VPS50: variants seen among roughly 807,000 people sequenced by gnomAD.
VPS50 encodes VPS50 subunit of EARP/GARPII complex, also known as syndetin.
In VPS50, 70 loss-of-function variants were observed where a neutral mutation model predicts 139.7. The ratio of observed to expected loss-of-function variants is 0.50; its 90% CI spans 0.41 to 0.61. VPS50 has a LOEUF of 0.61. Ranked by LOEUF, VPS50 falls within the 20% of genes least tolerant of loss-of-function variation. The pLI, the probability that VPS50 is intolerant of heterozygous loss-of-function variation, is 0.00. For synonymous variants in VPS50, 365 were observed against 376.7 expected (o/e 0.97, Z 0.36); for missense variants, 921 against 1,133.7 (o/e 0.81, Z 2.69).
Position 93,276,529 on chromosome 7 carries a change from A to G in VPS50, c.942+224A>G, listed in dbSNP as rs111568182. 4.9e-3 allele frequency: 2,776 copies of G among 563,364 alleles called. 8 individuals carry two copies. Among genetic ancestry groups the G allele is most frequent in the Non-Finnish European group, 6.1e-3 (2,245 of 366,450 alleles). The allele number at this position is 563,364 out of a possible 1,614,324, so 34.9% of individuals were successfully genotyped here. A position where few individuals can be genotyped will look rare whatever the true frequency, so the allele number is the denominator to read the frequency against. The stretch of plus-strand genomic sequence containing the variant: ...GAGATTGGAGCATGATTGCTTCTCA[A>G]TCGACTCTTTACCATTTCATAGCTT... On this transcript the variant is annotated intron_variant, in intron 12 of 27. Transcript: ENST00000305866.
At chr7:93,288,697 G>A (rs1796563546) in intron 12 of VPS50, among the ~76,000 whole-genome samples, 1 of 152,106 alleles carries the variant, frequency 6.6e-6, no homozygotes, top group African/African-American at 2.4e-5. Flanking sequence ...TTAATCAGAA[G>A]ATATTATTGT....
intron 1 of VPS50, among the ~76,000 whole-genome samples, chr7:93,235,988 A>G (rs1794788699): frequency 6.6e-6 from 1 of 152,204 alleles, no homozygotes; most frequent in Admixed American, 6.5e-5. Flanking sequence ...TGGATCTAGG[A>G]AAGCAGAATG....
intron 21 of VPS50, among the ~76,000 whole-genome samples, chr7:93,324,521 C>A (rs942774647): frequency 6.6e-6 from 1 of 152,102 alleles, no homozygotes; most frequent in Non-Finnish European, 1.5e-5. Context: ...TTGTCAAAGG[C>A]CTTTTCTGCA....
chr7:93,256,453 TAGA>T (rs1227018310), intron 4 of VPS50, 53 bp from the exon 5 acceptor site: 1 of 835,084 alleles, frequency 1.2e-6, no homozygotes, highest in Non-Finnish European at 1.8e-6. Flanking sequence ...TAAAATATCA[TAGA>T]AAGCATGAAG....
At chr7:93,343,871 A>C (rs1444070185) in intron 23 of VPS50, among the ~76,000 whole-genome samples, 1 of 152,224 alleles carries the variant, frequency 6.6e-6, no homozygotes, top group Non-Finnish European at 1.5e-5. Flanking sequence ...GCCGCTGCAA[A>C]ATCATGCCAA....
At chr7:93,263,605 G>T (rs1795752036) in intron 9 of VPS50, among the ~76,000 whole-genome samples, 1 of 152,180 alleles carries the variant, frequency 6.6e-6, no homozygotes, top group Non-Finnish European at 1.5e-5. Flanking sequence ...ACTCTCTAAG[G>T]AGAGTTACTT....
intron 23 of VPS50, among the ~76,000 whole-genome samples, chr7:93,341,932 A>G (rs1457952481): frequency 6.6e-6 from 1 of 152,214 alleles, no homozygotes; most frequent in Non-Finnish European, 1.5e-5. Context: ...TGTTAAGTAT[A>G]GTTGATCCTT....
chr7:93,265,481 A>G (rs1381804503), intron 9 of VPS50, among the ~76,000 whole-genome samples: 1 of 152,204 alleles, frequency 6.6e-6, no homozygotes, highest in Non-Finnish European at 1.5e-5. Context: ...TGTGATCTAG[A>G]ATTACAGTTA....
chr7:93,250,956 A>C (rs1348752890), intron 2 of VPS50, among the ~76,000 whole-genome samples: 1 of 152,262 alleles, frequency 6.6e-6, no homozygotes, highest in Non-Finnish European at 1.5e-5. Flanking sequence ...CATTAGGGAA[A>C]TCCAAATCAA....
chr7:93,323,055 C>T (rs959622593), intron 20 of VPS50, among the ~76,000 whole-genome samples: 1 of 152,162 alleles, frequency 6.6e-6, no homozygotes, highest in African/African-American at 2.4e-5. Context: ...TGTTCTTGGC[C>T]TCTGACCCAA....
intron 24 of VPS50, among the ~76,000 whole-genome samples, 183 bp from the exon 25 acceptor site, chr7:93,349,692 T>C (rs533958213): frequency 6.6e-6 from 1 of 152,350 alleles, no homozygotes; most frequent in Admixed American, 6.5e-5. Context: ...CTCAAAATTA[T>C]GTTTTGAGTA....
intron 19 of VPS50, among the ~76,000 whole-genome samples, chr7:93,309,661 C>T (rs953054365): frequency 1.3e-5 from 2 of 151,886 alleles, no homozygotes; most frequent in Non-Finnish European, 2.9e-5. Flanking sequence ...AACCTTCTAT[C>T]AAGGTGTCCT....
intron 2 of VPS50, among the ~76,000 whole-genome samples, chr7:93,252,242 G>T (rs1795356814): frequency 6.6e-6 from 1 of 152,062 alleles, no homozygotes. Flanking sequence ...AGTTGATTGT[G>T]ACCCAGAAGT....
chr7:93,297,354 A>T (rs747183194), intron 16 of VPS50, 111 bp downstream of exon 16: 109 of 1,170,378 alleles, frequency 9.3e-5, no homozygotes, highest in Non-Finnish European at 1.1e-4. Flanking sequence ...TTTGAATTTG[A>T]ATGTGTTGTA....
chr7:93,245,171 G>A (rs1328042607), intron 2 of VPS50, among the ~76,000 whole-genome samples: 1 of 151,722 alleles, frequency 6.6e-6, no homozygotes. Context: ...TAGAGTTGGC[G>A]ATTAATTTTT....
intron 12 of VPS50, among the ~76,000 whole-genome samples, chr7:93,277,036 C>A (rs1796177260): frequency 6.6e-6 from 1 of 152,094 alleles, no homozygotes; most frequent in South Asian, 2.1e-4. Flanking sequence ...TCAGCATCTA[C>A]TTGTATTTAA....
intron 12 of VPS50, among the ~76,000 whole-genome samples, chr7:93,288,121 C>G (rs540045331): frequency 3.9e-5 from 6 of 152,082 alleles, no homozygotes; most frequent in Non-Finnish European, 7.4e-5. Flanking sequence ...ACCATCAGAT[C>G]TCATGAGACT....
intron 22 of VPS50, among the ~76,000 whole-genome samples, chr7:93,337,588 A>G (rs1245279859): frequency 6.6e-6 from 1 of 152,204 alleles, no homozygotes; most frequent in Non-Finnish European, 1.5e-5. Context: ...AGTATGTGGT[A>G]TTCATGGGGA....
At chr7:93,317,924 T>C (rs17165260) in intron 20 of VPS50, among the ~76,000 whole-genome samples, 6,615 of 152,212 alleles carry the variant, frequency 0.043, 489 homozygotes, top group African/African-American at 0.15. Flanking sequence ...AATACTTTCT[T>C]ATGTGTTTTG....
Sources: allele counts gnomAD v4.1 joint callset (sites outside exome capture counted in the v4.1 genomes callset), GRCh38; gene constraint gnomAD v4.1.1; transcripts MANE v1.5; gene names NCBI Gene and HGNC (gene_info 2026-07-23, HGNC 2026-07-21).